SHANK2: variants seen among roughly 807,000 people sequenced by gnomAD.
SHANK2 encodes SH3 and multiple ankyrin repeat domains 2.
SHANK2 carries 43 observed loss-of-function variants against 133.7 expected under a neutral mutation model. That is an observed-to-expected ratio of 0.32 (90% CI 0.25 to 0.41). The LOEUF (loss-of-function observed/expected upper bound fraction) is 0.41, where lower values mean the gene tolerates loss of function less well. Among genes scored for constraint, SHANK2 ranks in the 10% least tolerant of loss-of-function variants. SHANK2 has a pLI of 1.00. For missense variants in SHANK2, 1,994 were observed against 2,235.8 expected (o/e 0.89, Z 2.18); for synonymous variants, 1,017 against 952.8 (o/e 1.07, Z -1.24).
intron 14 of SHANK2, among the ~76,000 whole-genome samples, chr11:70,789,821 T>A (rs141834571): frequency 6.6e-6 from 1 of 152,334 alleles, no homozygotes; most frequent in East Asian, 1.9e-4. Flanking sequence ...GAAACAGGGA[T>A]GTACAGCGGT....
intron 14 of SHANK2, among the ~76,000 whole-genome samples, chr11:70,761,290 C>G (rs914513107): frequency 2.6e-5 from 4 of 152,134 alleles, no homozygotes; most frequent in Non-Finnish European, 5.9e-5. Flanking sequence ...GAGTCCCAGT[C>G]TTTTTCTCCC....
chr11:70,910,806 CAA>C (rs36001144), intron 10 of SHANK2, among the ~76,000 whole-genome samples: 287 of 136,864 alleles, frequency 2.1e-3, no homozygotes, highest in Non-Finnish European at 2.0e-3. Context: ...GACTCCATCT[CAA>C]AAAAAAAAAA....
chr11:71,057,206 C>T (rs947350010), intron 9 of SHANK2, among the ~76,000 whole-genome samples: 2 of 152,044 alleles, frequency 1.3e-5, no homozygotes, highest in Non-Finnish European at 2.9e-5. Flanking sequence ...TGGAGGCATG[C>T]GCCTGTAATC....
chr11:71,160,252 T>A (rs1952987427), intron 2 of SHANK2, among the ~76,000 whole-genome samples: 1 of 152,192 alleles, frequency 6.6e-6, no homozygotes, highest in African/African-American at 2.4e-5. Flanking sequence ...TCCTGGGGAC[T>A]CTGTCATCCC....
Position 71,110,053 on chromosome 11 carries a change from G to T in SHANK2, c.484-4C>A, listed in dbSNP as rs1555098833. On this transcript the variant is annotated splice_polypyrimidine_tract_variant and splice_region_variant and intron_variant, in intron 5 of 25. Coordinates refer to ENST00000601538, the MANE Select transcript of SHANK2 (RefSeq NM_012309.5). ...CCATGCATTTCTTCAGATTGGTCTA[G>T]AAGGAAAAACAATACAATTGAAACA... 13 of 1,540,884 alleles carry T rather than the reference G, an allele frequency of 8.4e-6. No homozygotes were observed.
In SHANK2 at chr11:71,140,814, C is replaced by T. The variant is rs1253773464; in HGVS notation, c.207+6306G>A. On this transcript the variant is annotated intron_variant, in intron 3 of 25. Transcript: ENST00000601538. ...GACGTGCTTCTGACTCATGCCAGGA[C>T]GACTGGGGCCGGGGCTGCTTCCCAC... Among the ~76,000 whole-genome samples the T allele has an allele frequency of 4.6e-5, 7 of 152,236 alleles. 1 individual carries two copies. The South Asian group carries it at 1.0e-3, about 23-fold the overall frequency.
intron 17 of SHANK2, among the ~76,000 whole-genome samples, chr11:70,551,567 G>A (rs1346269487): frequency 6.6e-6 from 1 of 152,224 alleles, no homozygotes; most frequent in African/African-American, 2.4e-5. Context: ...AGGCATGGCT[G>A]CTTCCTCAGG....
intron 8 of SHANK2, among the ~76,000 whole-genome samples, chr11:71,091,466 G>A (rs1465381890): frequency 6.6e-6 from 1 of 152,182 alleles, no homozygotes; most frequent in Non-Finnish European, 1.5e-5. Flanking sequence ...GGTAGCCAGA[G>A]AAACCATGGC....
At chr11:71,230,549 ACAGAGTGAGACTCTGTCT>A (rs1261197941) in intron 1 of SHANK2, among the ~76,000 whole-genome samples, 1 of 151,902 alleles carries the variant, frequency 6.6e-6, no homozygotes, top group Non-Finnish European at 1.5e-5. Flanking sequence ...AGCCTGGGCA[ACAGAGTGAGACTCTGTCT>A]CAAAAAAAAA....
At chr11:70,628,808 A>G (rs2060939365) in intron 17 of SHANK2, among the ~76,000 whole-genome samples, 1 of 152,198 alleles carries the variant, frequency 6.6e-6, no homozygotes, top group Non-Finnish European at 1.5e-5. Context: ...GTGTCTAGGA[A>G]GAGTCTCTTG....
chr11:71,226,181 A>G (rs1480846262), intron 1 of SHANK2, among the ~76,000 whole-genome samples: 4 of 152,250 alleles, frequency 2.6e-5, no homozygotes, highest in Admixed American at 2.6e-4. Context: ...TAAAAGACTC[A>G]GTGGATGGAC....
chr11:71,148,803 C>T (rs1287154939), intron 2 of SHANK2, among the ~76,000 whole-genome samples: 3 of 152,160 alleles, frequency 2.0e-5, no homozygotes, highest in Admixed American at 6.5e-5. Flanking sequence ...AGGCAATTCA[C>T]GGAAGGATTC....
chr11:70,516,749 C>T (rs1370449551), intron 17 of SHANK2, among the ~76,000 whole-genome samples: 2 of 152,188 alleles, frequency 1.3e-5, no homozygotes, highest in Non-Finnish European at 2.9e-5. Flanking sequence ...AGAACTCTTA[C>T]ATCTCAACAG....
chr11:70,798,370 C>T (rs569476342), intron 14 of SHANK2, 73 bp downstream of exon 14: 61 of 705,710 alleles, frequency 8.6e-5, no homozygotes, highest in African/African-American at 3.8e-4. Flanking sequence ...AATCTTGCCA[C>T]GGACAACACC....
intron 17 of SHANK2, among the ~76,000 whole-genome samples, chr11:70,510,646 T>A (rs2059192898): frequency 6.6e-6 from 1 of 152,180 alleles, no homozygotes; most frequent in Non-Finnish European, 1.5e-5. Context: ...GGGGAACCTG[T>A]CTGCAGGAAG....
At chr11:70,712,675 T>C (rs1945815807) in intron 14 of SHANK2, among the ~76,000 whole-genome samples, 1 of 152,200 alleles carries the variant, frequency 6.6e-6, no homozygotes, top group Non-Finnish European at 1.5e-5. Flanking sequence ...CCTCCTGCAA[T>C]GGGTGGGCGT....
At chr11:71,152,201 C>T (rs1286651027) in intron 2 of SHANK2, among the ~76,000 whole-genome samples, 2 of 152,200 alleles carry the variant, frequency 1.3e-5, no homozygotes, top group South Asian at 2.1e-4. Context: ...CAACCTCCGC[C>T]TCCCAGGTTC....
chr11:70,889,846 G>A (rs1949811977), intron 11 of SHANK2, among the ~76,000 whole-genome samples: 1 of 152,196 alleles, frequency 6.6e-6, no homozygotes, highest in East Asian at 1.9e-4. Context: ...CAACATAGAA[G>A]GCTCCTGGGA....
At chr11:70,490,930 G>C (rs2058878549) in intron 22 of SHANK2, among the ~76,000 whole-genome samples, 1 of 152,234 alleles carries the variant, frequency 6.6e-6, no homozygotes. Flanking sequence ...TGATGTGCCA[G>C]CTAGCTTAAG....
Sources: allele counts gnomAD v4.1 joint callset (sites outside exome capture counted in the v4.1 genomes callset), GRCh38; gene constraint gnomAD v4.1.1; transcripts MANE v1.5; gene names NCBI Gene and HGNC (gene_info 2026-07-23, HGNC 2026-07-21).